Variants in CPPED1 observed in about 807,000 individuals in gnomAD.
The protein encoded by CPPED1 is serine/threonine-protein phosphatase CPPED1.
In CPPED1, 28 loss-of-function variants were observed where a neutral mutation model predicts 28.0. That is an observed-to-expected ratio of 1.00 (90% CI 0.74 to 1.37). CPPED1 has a LOEUF of 1.37. Among genes scored for constraint, CPPED1 ranks in the 40% most tolerant of loss-of-function variants. The pLI is 0.00. For missense variants in CPPED1, 504 were observed against 416.5 expected (o/e 1.21, Z -1.83); for synonymous variants, 198 against 180.2 (o/e 1.10, Z -0.79).
chr16:12,744,297 A>AAAGCAAGC (rs1167597052), intron 2 of CPPED1, among the ~76,000 whole-genome samples: 286 of 130,256 alleles, frequency 2.2e-3, no homozygotes, highest in African/African-American at 6.2e-3. Context: ...AGAGAGAGAG[A>AAAGCAAGC]AAGCAAGCAA....
rs531191701 is a variant in CPPED1, at chr16:12,661,561, C to T, written c.*3325G>A. 2.6e-5 allele frequency: 4 copies of T among 152,232 alleles called. No individual in the cohort carries two copies. The highest frequency in any genetic ancestry group is 5.9e-5 in the Non-Finnish European group (4 of 68,034). The allele number at this position is 152,232 out of a possible 1,614,324, so 9.4% of individuals were successfully genotyped here. ...CACTTTAAAAAACCTTCCCCCGTAA[C>T]ATGTCCTTGTGTTTTTGTTTTTTCC... is the stretch of plus-strand genomic sequence containing the variant. On this transcript the variant is annotated 3_prime_UTR_variant, in exon 4 of 4. Coordinates refer to ENST00000381774, the MANE Select transcript of CPPED1 (RefSeq NM_018340.3).
rs1257077540 is a variant in CPPED1, at chr16:12,704,497, G to A, written c.715+127C>T. 3.2e-6 allele frequency: 3 copies of A among 941,684 alleles called. No individual in the cohort carries two copies. In the South Asian group the frequency reaches 5.0e-5, roughly 16 times the overall value. 58.3% of individuals were successfully genotyped at this position (941,684 alleles called of 1,614,324 possible). ...ATGCAGTCTGCAAGTCCAAGAGCTG[G>A]TATCAGAACTCCCGGCCTAGTCCTC... On this transcript the variant is annotated intron_variant, in intron 3 of 3. Transcript: ENST00000381774.
At chr16:12,738,780 T>G (rs985224389) in intron 2 of CPPED1, among the ~76,000 whole-genome samples, 8 of 152,216 alleles carry the variant, frequency 5.3e-5, no homozygotes, top group African/African-American at 1.9e-4. Flanking sequence ...GTCATCTAGT[T>G]AGGCCCCAAA....
intron 3 of CPPED1, among the ~76,000 whole-genome samples, chr16:12,700,198 G>A (rs779798446): frequency 6.5e-4 from 99 of 152,228 alleles, no homozygotes; most frequent in Non-Finnish European, 1.1e-3. Flanking sequence ...TGTGAAGCAG[G>A]TTTAGGTGAA....
chr16:12,775,644 G>A (rs998261210), intron 2 of CPPED1, among the ~76,000 whole-genome samples: 8 of 152,142 alleles, frequency 5.3e-5, no homozygotes, highest in Non-Finnish European at 1.5e-5. Flanking sequence ...TTAGGTCTGG[G>A]CAGGGCAGAG....
chr16:12,689,015 G>A (rs1364987449), intron 3 of CPPED1, among the ~76,000 whole-genome samples: 1 of 152,092 alleles, frequency 6.6e-6, no homozygotes, highest in Admixed American at 6.6e-5. Flanking sequence ...GCATGAAGAA[G>A]TTCAAGATGT....
chr16:12,717,096 GA>G (rs2080111034), intron 2 of CPPED1, among the ~76,000 whole-genome samples: 1 of 152,122 alleles, frequency 6.6e-6, no homozygotes, highest in Non-Finnish European at 1.5e-5. Context: ...ATAGTAGGGT[GA>G]GGGTGGAGAG....
rs1329914892 is a variant in CPPED1, at chr16:12,682,103, GGCTCACT to G, written c.716-16995_716-16989del. Among the ~76,000 whole-genome samples, 1 of 152,044 alleles carries G rather than the reference GGCTCACT, an allele frequency of 6.6e-6. No individual in the cohort carries two copies. The highest frequency in any genetic ancestry group is 2.4e-5 in the African/African-American group (1 of 41,378). ...TGTTGGAGTGCAGTGGCGCGATCTT[GGCTCACT>G]GCAACTTGCGTATCCTGGGTTCAAG... On this transcript the variant is annotated intron_variant, in intron 3 of 3. Transcript: ENST00000381774. This position sits in a 1 kb window ranked among gnomAD's most constrained non-coding sequence, Gnocchi z 6.1.
At chr16:12,696,976 C>G (rs1183301957) in intron 3 of CPPED1, among the ~76,000 whole-genome samples, 3 of 152,160 alleles carry the variant, frequency 2.0e-5, no homozygotes, top group African/African-American at 7.2e-5. Context: ...CAAGTTTTGC[C>G]TTATCTGCAC....
intron 2 of CPPED1, among the ~76,000 whole-genome samples, chr16:12,731,513 T>C (rs2080197486): frequency 6.6e-6 from 1 of 151,988 alleles, no homozygotes. Context: ...TTCCTTCCAT[T>C]TGGCTCCTAG....
intron 3 of CPPED1, among the ~76,000 whole-genome samples, chr16:12,700,836 A>G (rs575034041): frequency 4.4e-4 from 67 of 152,308 alleles, no homozygotes; most frequent in African/African-American, 1.4e-3. Flanking sequence ...GATTCAGACA[A>G]GTCAACACTT....
At chr16:12,764,525 A>G (rs1038711934) in intron 2 of CPPED1, among the ~76,000 whole-genome samples, 1 of 151,980 alleles carries the variant, frequency 6.6e-6, no homozygotes, top group African/African-American at 2.4e-5. Flanking sequence ...TTTTTTGTAG[A>G]GTTGGAGTTT....
chr16:12,677,456 T>G (rs1027288646), intron 3 of CPPED1, among the ~76,000 whole-genome samples: 1 of 152,218 alleles, frequency 6.6e-6, no homozygotes, highest in Admixed American at 6.5e-5. Flanking sequence ...CTGGCCAACA[T>G]GGCAAAACCC....
intron 2 of CPPED1, among the ~76,000 whole-genome samples, chr16:12,741,352 G>A (rs1049624424): frequency 5.6e-5 from 8 of 144,020 alleles, no homozygotes; most frequent in African/African-American, 1.3e-4. Flanking sequence ...CTTGTTTATC[G>A]AGAGCTGAGG....
intron 3 of CPPED1, among the ~76,000 whole-genome samples, chr16:12,689,217 CTTTTTTTTTTTT>C (rs869107040): frequency 2.4e-5 from 2 of 83,596 alleles, no homozygotes; most frequent in Non-Finnish European, 4.4e-5. Flanking sequence ...GAAAAGAGGG[CTTTTTTTTTTTT>C]TTTTTTTTTT....
intron 2 of CPPED1, among the ~76,000 whole-genome samples, chr16:12,721,345 C>A (rs186437908): frequency 1.3e-5 from 2 of 152,142 alleles, no homozygotes; most frequent in Non-Finnish European, 2.9e-5. Flanking sequence ...GAATATAACC[C>A]GGTTATAAAA....
At chr16:12,757,138 TTAAGTTATAGCACCTCGAGGGTGACCAAC>T (rs1567298057) in intron 2 of CPPED1, among the ~76,000 whole-genome samples, 5 of 149,808 alleles carry the variant, frequency 3.3e-5, no homozygotes, top group Admixed American at 6.6e-5. Context: ...GGGTGACCAA[TTAAGTTATAGCACCTCGAGGGTGACCAAC>T]TAAGTTATAG....
At chr16:12,701,367 C>G (rs984064376) in intron 3 of CPPED1, among the ~76,000 whole-genome samples, 1 of 152,088 alleles carries the variant, frequency 6.6e-6, no homozygotes, top group Admixed American at 6.5e-5. Flanking sequence ...AACCCCATCT[C>G]TACTAAAAAT....
At chr16:12,703,431 C>A (rs893396240) in intron 3 of CPPED1, among the ~76,000 whole-genome samples, 3 of 152,132 alleles carry the variant, frequency 2.0e-5, no homozygotes, top group Admixed American at 6.5e-5. Flanking sequence ...GATCACGTCC[C>A]GTGGCCTTGG....
Sources: gnomAD v4.1 joint callset for allele counts (sites outside exome capture counted in the v4.1 genomes callset) on GRCh38, gnomAD v4.1.1 for gene constraint, Gnocchi (gnomAD v3.1) non-coding constraint, MANE v1.5 for transcripts, NCBI Gene and HGNC (gene_info 2026-07-23, HGNC 2026-07-21) for gene names.